FAM110B: variants seen among roughly 807,000 people sequenced by gnomAD.
FAM110B encodes the protein family with sequence similarity 110 member B, also known as protein FAM110B.
Under a neutral mutation model 20.4 loss-of-function variants are expected in FAM110B, and 6 were observed. The ratio of observed to expected loss-of-function variants is 0.29; its 90% confidence interval spans 0.16 to 0.58. FAM110B has a LOEUF of 0.58. FAM110B is among the 20% of genes least tolerant of loss of function. FAM110B has a pLI of 0.90. For missense variants in FAM110B, 434 were observed against 498.2 expected (o/e 0.87, Z 1.23); for synonymous variants, 226 against 214.1 (o/e 1.06, Z -0.49).
chr8:58,072,273 T>C (rs1366342274), intron 2 of FAM110B, among the ~76,000 whole-genome samples: 1 of 152,148 alleles, frequency 6.6e-6, no homozygotes, highest in Non-Finnish European at 1.5e-5. Context: ...CCCTTTGAGG[T>C]GTGTGTCATG....
chr8:58,057,697 T>G (rs1255967066), intron 2 of FAM110B, among the ~76,000 whole-genome samples: 1 of 152,210 alleles, frequency 6.6e-6, no homozygotes, highest in Non-Finnish European at 1.5e-5. Context: ...CAATTCTACC[T>G]CTTACCGGTT....
intron 2 of FAM110B, among the ~76,000 whole-genome samples, chr8:58,064,565 T>C (rs1407552197): frequency 1.3e-5 from 2 of 152,214 alleles, no homozygotes; most frequent in Admixed American, 6.5e-5. Context: ...ATTTATACTA[T>C]ATACATCTTT....
intron 1 of FAM110B, among the ~76,000 whole-genome samples, chr8:58,013,024 C>G (rs1332949706): frequency 1.3e-5 from 2 of 152,114 alleles, no homozygotes; most frequent in Non-Finnish European, 2.9e-5. Flanking sequence ...TTGTGCTTCC[C>G]CCCGGGCTGT....
At chr8:58,003,287 A>G (rs897163094) in intron 1 of FAM110B, among the ~76,000 whole-genome samples, 1 of 152,184 alleles carries the variant, frequency 6.6e-6, no homozygotes, top group African/African-American at 2.4e-5. Context: ...CGGATCTGCA[A>G]TTACTCCTCC....
chr8:58,113,895 A>G (rs1807129590), intron 3 of FAM110B, among the ~76,000 whole-genome samples: 1 of 152,254 alleles, frequency 6.6e-6, no homozygotes, highest in Non-Finnish European at 1.5e-5. Flanking sequence ...AAGAAGATAA[A>G]TGGCAAAGCA....
chr8:58,047,809 T>G (rs951141424), intron 2 of FAM110B, among the ~76,000 whole-genome samples: 49 of 152,088 alleles, frequency 3.2e-4, no homozygotes, highest in African/African-American at 1.1e-3. Flanking sequence ...TAATGAATAT[T>G]GATATCTTAG....
At chr8:58,117,423 G>A (rs1310077583) in intron 3 of FAM110B, among the ~76,000 whole-genome samples, 1 of 152,146 alleles carries the variant, frequency 6.6e-6, no homozygotes, top group East Asian at 1.9e-4. Flanking sequence ...CCAAAAGTGG[G>A]GATGGCAAAT....
chr8:58,034,872 A>G (rs1805044506), intron 2 of FAM110B, among the ~76,000 whole-genome samples: 1 of 152,204 alleles, frequency 6.6e-6, no homozygotes, highest in South Asian at 2.1e-4. Context: ...TAGCACTATC[A>G]GCAAATGTGT....
At chr8:58,016,331 G>A (rs562189774) in intron 1 of FAM110B, among the ~76,000 whole-genome samples, 8 of 152,342 alleles carry the variant, frequency 5.3e-5, no homozygotes, top group African/African-American at 1.9e-4. Flanking sequence ...ATTCTGTGGG[G>A]ATTCGGAGTT....
At chr8:58,076,232 T>G (rs538574602) in intron 3 of FAM110B, among the ~76,000 whole-genome samples, 1 of 152,312 alleles carries the variant, frequency 6.6e-6, no homozygotes, top group Admixed American at 6.5e-5. Context: ...AGTGTTGGGT[T>G]TACAGGCATG....
chr8:58,058,644 G>A (rs1039804571), intron 2 of FAM110B, among the ~76,000 whole-genome samples: 5 of 152,210 alleles, frequency 3.3e-5, no homozygotes, highest in East Asian at 1.9e-4. Context: ...AAATGCATGA[G>A]AGATTGAGTC....
At chr8:58,037,306 GGTTT>G (rs34287683) in intron 2 of FAM110B, among the ~76,000 whole-genome samples, 4,083 of 146,534 alleles carry the variant, frequency 0.028, 179 homozygotes, top group African/African-American at 0.1. Flanking sequence ...AAGTTTTTTT[GGTTT>G]GTTTGTTTGT....
chr8:58,098,739 C>T (rs117014275), intron 3 of FAM110B, among the ~76,000 whole-genome samples: 1,606 of 133,134 alleles, frequency 0.012, 39 homozygotes, highest in Non-Finnish European at 0.012. Flanking sequence ...AGTATCTCGG[C>T]TGGAATGCAT....
intron 3 of FAM110B, among the ~76,000 whole-genome samples, chr8:58,101,892 C>T (rs1469742846): frequency 6.6e-6 from 1 of 152,104 alleles, no homozygotes; most frequent in East Asian, 1.9e-4. Flanking sequence ...AGTCTCAGAG[C>T]TCATGCTTCA....
intron 2 of FAM110B, among the ~76,000 whole-genome samples, chr8:58,039,586 G>A (rs1398697053): frequency 2.0e-5 from 3 of 152,176 alleles, no homozygotes; most frequent in African/African-American, 7.2e-5. Flanking sequence ...TTTGTCTGTT[G>A]AGTAGGCTGT....
chr8:58,050,211 C>CT (rs113340023), intron 2 of FAM110B, among the ~76,000 whole-genome samples: 9,986 of 146,684 alleles, frequency 0.068, 939 homozygotes, highest in African/African-American at 0.21. Context: ...TTATACTTTT[C>CT]TTTTTTTTTT....
chr8:58,035,648 G>T (rs749785269), intron 2 of FAM110B, among the ~76,000 whole-genome samples: 23 of 152,180 alleles, frequency 1.5e-4, no homozygotes, highest in Non-Finnish European at 2.9e-4. Context: ...AATTGAAAAT[G>T]CAGCAAAGGA....
chr8:58,101,664 C>T (rs895932235), intron 3 of FAM110B, among the ~76,000 whole-genome samples: 4 of 151,340 alleles, frequency 2.6e-5, no homozygotes, highest in East Asian at 1.9e-4. Context: ...TGACTTCCTC[C>T]GAAATCTAGT....
rs185539376 is a variant in FAM110B at position 58,073,787 on chromosome 8, A to T, written c.-413-1748A>T. On this transcript the variant is annotated intron_variant, in intron 2 of 3. Coordinates refer to ENST00000519262, the MANE Select transcript of FAM110B (RefSeq NM_001377989.1). The stretch of plus-strand genomic sequence containing the variant: ...CTCTTCTATGTGCTCATTAAAGACA[A>T]GCTTGTAAAATTTGAGACTGTATTG... 1.3e-3 allele frequency among the ~76,000 whole-genome samples: 203 copies of T among 152,360 alleles called. 1 individual carries two copies. Among genetic ancestry groups the T allele is most frequent in the African/African-American group, 4.4e-3 (185 of 41,580 alleles).
Sources: allele counts gnomAD v4.1 joint callset (sites outside exome capture counted in the v4.1 genomes callset), GRCh38; gene constraint gnomAD v4.1.1; transcripts MANE v1.5; gene names NCBI Gene and HGNC (gene_info 2026-07-23, HGNC 2026-07-21).